The following RANBP2 variants were observed in gnomAD, a reference collection of about 807,000 sequenced individuals.
RANBP2 encodes the protein E3 SUMO-protein ligase RanBP2.
RANBP2 carries 57 observed loss-of-function variants against 303.6 expected under a neutral mutation model. The ratio of observed to expected loss-of-function variants is 0.19; its 90% CI spans 0.15 to 0.23. The LOEUF is 0.23. Ranked by LOEUF, RANBP2 falls within the 10% of genes least tolerant of loss-of-function variation. The pLI is 1.00. For missense variants in RANBP2, 3,138 were observed against 3,780.8 expected (o/e 0.83, Z 4.46); for synonymous variants, 1,167 against 1,301.5 (o/e 0.90, Z 2.23).
At chr2:109,285,873 TCCCATGC>T in the RANBP2 span, among the ~76,000 whole-genome samples, 1 of 152,204 alleles carries the variant, frequency 6.6e-6, no homozygotes, top group African/African-American at 2.4e-5. Flanking sequence ...ACTCCCTTCC[TCCCATGC>T]CCCCAGCGTG....
chr2:109,279,878 T>C, the RANBP2 span, among the ~76,000 whole-genome samples: 1 of 148,320 alleles, frequency 6.7e-6, no homozygotes, highest in Admixed American at 6.7e-5. Context: ...TATGGGCCCC[T>C]GGGGGGTGAG....
At chr2:108,777,711 T>A (rs1027997479) in intron 25 of RANBP2, among the ~76,000 whole-genome samples, 7 of 152,174 alleles carry the variant, frequency 4.6e-5, no homozygotes, top group Admixed American at 3.9e-4. Flanking sequence ...CTATTTTTAA[T>A]CCATTTTGGT....
the RANBP2 span, chr2:108,911,170 G>GAAAGCATCCCAGGGGCA: frequency 6.8e-7 from 1 of 1,480,300 alleles, no homozygotes; most frequent in Non-Finnish European, 9.4e-7. Flanking sequence ...CCCTGCCCCT[G>GAAAGCATCCCAGGGGCA]GGATGCTTTC....
At chr2:108,799,445 T>A in the RANBP2 span, among the ~76,000 whole-genome samples, 2 of 152,218 alleles carry the variant, frequency 1.3e-5, no homozygotes, top group East Asian at 3.8e-4. Flanking sequence ...TTACGCTCTC[T>A]TGTAGCTATC....
chr2:109,466,633 C>A, the RANBP2 span, among the ~76,000 whole-genome samples: 10 of 152,244 alleles, frequency 6.6e-5, no homozygotes, highest in South Asian at 1.0e-3. Context: ...GGTGTTTTAT[C>A]TAAAAAGGCA....
the RANBP2 span, among the ~76,000 whole-genome samples, chr2:109,443,650 T>G: frequency 1.3e-5 from 2 of 152,114 alleles, no homozygotes; most frequent in African/African-American, 2.4e-5. Flanking sequence ...TTATTAGAGA[T>G]AAAAAGGCAA....
At chr2:108,913,942 TC>T in the RANBP2 span, among the ~76,000 whole-genome samples, 1 of 83,666 alleles carries the variant, frequency 1.2e-5, no homozygotes, top group Non-Finnish European at 2.4e-5. Flanking sequence ...ACAGTGCGAT[TC>T]CGTCTCAAAA....
the RANBP2 span, among the ~76,000 whole-genome samples, chr2:109,199,330 A>ATAAAATAAATAAAATAAATAAAATAAAAT: frequency 1.3e-5 from 2 of 150,472 alleles, no homozygotes; most frequent in African/African-American, 4.9e-5. Flanking sequence ...TCAAAAAGTA[A>ATAAAATAAATAAAATAAATAAAATAAAAT]AATGGAATGG....
chr2:108,749,239 T>C (rs1675653569), intron 9 of RANBP2, 110 bp downstream of exon 9: 2 of 1,553,876 alleles, frequency 1.3e-6, no homozygotes, highest in Admixed American at 3.4e-5. Flanking sequence ...TCCTTTTGTG[T>C]GTGGGTTGGG....
the RANBP2 span, among the ~76,000 whole-genome samples, chr2:109,181,810 A>T: frequency 6.6e-6 from 1 of 151,986 alleles, no homozygotes; most frequent in Non-Finnish European, 1.5e-5. Flanking sequence ...CATCCATGCC[A>T]CATTCTAAGA....
the RANBP2 span, chr2:109,544,203 T>C: frequency 1.9e-6 from 3 of 1,607,052 alleles, no homozygotes; most frequent in East Asian, 6.7e-5. Context: ...GTTCACCAAA[T>C]ATAGAAGTGA....
chr2:109,479,101 A>G, the RANBP2 span, among the ~76,000 whole-genome samples: 1 of 152,170 alleles, frequency 6.6e-6, no homozygotes, highest in Non-Finnish European at 1.5e-5. Context: ...GAGCACCAGC[A>G]CACACTTCTC....
At chr2:109,347,463 G>A in the RANBP2 span, among the ~76,000 whole-genome samples, 1 of 152,066 alleles carries the variant, frequency 6.6e-6, no homozygotes, top group African/African-American at 2.4e-5. Context: ...GAATGGCTAG[G>A]ATGGGGACCC....
chr2:109,674,941 A>G, the RANBP2 span, among the ~76,000 whole-genome samples: 1 of 151,666 alleles, frequency 6.6e-6, no homozygotes, highest in African/African-American at 2.4e-5. Context: ...ATTTTGCTTC[A>G]TCTCTTAGTT....
the RANBP2 span, among the ~76,000 whole-genome samples, chr2:109,123,867 C>G: frequency 6.6e-6 from 1 of 152,176 alleles, no homozygotes; most frequent in Non-Finnish European, 1.5e-5. Flanking sequence ...TAGGACCTTG[C>G]TGGTATACAG....
At chr2:109,400,572 T>TGC in the RANBP2 span, among the ~76,000 whole-genome samples, 15 of 111,490 alleles carry the variant, frequency 1.3e-4, no homozygotes, top group African/African-American at 4.4e-4. Context: ...TACACACCTG[T>TGC]GCGCACACAC....
chr2:108,775,266 T>C (rs1476182035), intron 23 of RANBP2, among the ~76,000 whole-genome samples: 1 of 152,240 alleles, frequency 6.6e-6, no homozygotes. Flanking sequence ...CTAGTTTAAT[T>C]CCTTTATGGT....
the RANBP2 span, among the ~76,000 whole-genome samples, chr2:109,661,200 A>G: frequency 1.3e-5 from 2 of 151,636 alleles, no homozygotes; most frequent in Non-Finnish European, 2.9e-5. Flanking sequence ...CTGTCAATGC[A>G]GACTAACGGA....
At chr2:108,779,573 T>G (rs1372693815) in intron 25 of RANBP2, among the ~76,000 whole-genome samples, 1 of 152,198 alleles carries the variant, frequency 6.6e-6, no homozygotes, top group Admixed American at 6.5e-5. Flanking sequence ...TCCTGTGACA[T>G]TTTTTCTTTT....
Sources: gnomAD v4.1 joint callset for allele counts (sites outside exome capture counted in the v4.1 genomes callset) on GRCh38, gnomAD v4.1.1 for gene constraint, MANE v1.5 for transcripts, NCBI Gene and HGNC (gene_info 2026-07-23, HGNC 2026-07-21) for gene names.